USP34: variants seen among roughly 807,000 people sequenced by gnomAD.
USP34 encodes the protein ubiquitin specific peptidase 34, also known as ubiquitin carboxyl-terminal hydrolase 34.
USP34 carries 70 observed loss-of-function variants against 460.3 expected under a neutral mutation model. The observed-to-expected ratio is 0.15, with a 90% confidence interval of 0.13 to 0.19. The LOEUF (loss-of-function observed/expected upper bound fraction) is 0.19. Among genes scored for constraint, USP34 ranks in the 10% least tolerant of loss-of-function variants. The pLI is 1.00. For missense variants in USP34, 3,985 were observed against 4,236.2 expected (o/e 0.94, Z 1.65); for synonymous variants, 1,647 against 1,405.3 (o/e 1.17, Z -3.85).
At chr2:61,255,711 G>A (rs1688706319) in intron 48 of USP34, among the ~76,000 whole-genome samples, 1 of 152,206 alleles carries the variant, frequency 6.6e-6, no homozygotes, top group African/African-American at 2.4e-5. Flanking sequence ...GGTGTTCTGA[G>A]TATCATGATA....
intron 33 of USP34, among the ~76,000 whole-genome samples, chr2:61,292,089 G>A (rs1689872381): frequency 6.6e-6 from 1 of 152,124 alleles, no homozygotes; most frequent in Non-Finnish European, 1.5e-5. Context: ...CTTTTGAAGG[G>A]ATACAACTGT....
intron 8 of USP34, among the ~76,000 whole-genome samples, chr2:61,374,084 A>T (rs1025388286): frequency 6.6e-6 from 1 of 151,068 alleles, no homozygotes; most frequent in African/African-American, 2.4e-5. Context: ...TGAAGCCAGG[A>T]GACAGAGGTT....
intron 1 of USP34, among the ~76,000 whole-genome samples, chr2:61,445,524 G>C (rs182742968): frequency 9.5e-4 from 112 of 118,228 alleles, no homozygotes; most frequent in African/African-American, 3.6e-3. Context: ...AACAGATCGA[G>C]ACTCCGTCTC....
intron 58 of USP34, 53 bp from the exon 59 acceptor site, chr2:61,229,686 T>C: frequency 6.8e-7 from 1 of 1,473,226 alleles, no homozygotes. Flanking sequence ...GTAACAAAGA[T>C]TTGAAAAATT....
intron 1 of USP34, among the ~76,000 whole-genome samples, chr2:61,425,573 G>T (rs546183688): frequency 1.3e-5 from 2 of 152,076 alleles, no homozygotes; most frequent in African/African-American, 2.4e-5. Context: ...GCCCTAAAGC[G>T]GAGGGCAACT....
rs927353776 is a variant in USP34, at chr2:61,297,828, C to T, written c.4129-903G>A. 7.9e-5 allele frequency among the ~76,000 whole-genome samples: 12 copies of T among 152,230 alleles called. No homozygotes were observed. In the East Asian group the frequency reaches 1.2e-3, roughly 15 times the overall value. On this transcript the variant is annotated intron_variant, in intron 29 of 79. Coordinates refer to ENST00000398571, the MANE Select transcript of USP34 (RefSeq NM_014709.4). ...CACGATCTCAGCTCACTGCAACCTC[C>T]GCCTCCCGGGTTCAAGCAATTCTCC... is the stretch of plus-strand genomic sequence containing the variant.
chr2:61,429,205 T>C (rs1244412825), intron 1 of USP34, among the ~76,000 whole-genome samples: 1 of 152,072 alleles, frequency 6.6e-6, no homozygotes, highest in East Asian at 1.9e-4. Context: ...CCCAGCACTT[T>C]GGGAGGCCGA....
chr2:61,195,831 G>A (rs1173509433), intron 75 of USP34, among the ~76,000 whole-genome samples: 1 of 151,998 alleles, frequency 6.6e-6, no homozygotes, highest in East Asian at 1.9e-4. Context: ...ACCCTCTTAT[G>A]GGCAAGCAGA....
In USP34 at chr2:61,395,239, T is replaced by TAA. The variant is rs370729896; in HGVS notation, c.553-8_553-7dup. The TAA allele has an allele frequency of 2.8e-4, 316 of 1,144,342 alleles. No individual in the cohort carries two copies. The highest frequency in any genetic ancestry group is 5.6e-4 in the South Asian group (36 of 64,456). 70.9% of individuals were successfully genotyped at this position (1,144,342 alleles called of 1,614,324 possible). A position where few individuals can be genotyped will look rare whatever the true frequency, so the allele number is the denominator to read the frequency against. On this transcript the variant is annotated splice_polypyrimidine_tract_variant and splice_region_variant and intron_variant, in intron 3 of 79. Transcript: ENST00000398571. ...CTTTCTTGAGTTGATATATCCTAAT[T>TAA]AAAAAAAAAAAAGCAAGTAAAATTA... is the stretch of plus-strand genomic sequence containing the variant.
chr2:61,241,908 T>A (rs1688273155), intron 51 of USP34, 89 bp from the exon 52 acceptor site: 2 of 683,750 alleles, frequency 2.9e-6, no homozygotes, highest in African/African-American at 3.9e-5. Flanking sequence ...AACAGCTATT[T>A]TATACTTAAT....
At chr2:61,413,211 C>A (rs190430312) in intron 2 of USP34, among the ~76,000 whole-genome samples, 3 of 151,894 alleles carry the variant, frequency 2.0e-5, no homozygotes, top group Non-Finnish European at 4.4e-5. Context: ...CTGGCCAACA[C>A]GGTGAAACCC....
intron 43 of USP34, among the ~76,000 whole-genome samples, chr2:61,263,133 C>T (rs376515377): frequency 1.0e-4 from 15 of 150,630 alleles, no homozygotes; most frequent in South Asian, 6.3e-4. Flanking sequence ...CCCAGCGTCC[C>T]GAGTAGCTGG....
rs1454124639 is a variant in USP34, at chr2:61,264,730, T to C, written c.5778+667A>G. 4.6e-5 allele frequency among the ~76,000 whole-genome samples: 7 copies of C among 152,032 alleles called. No individual in the cohort carries two copies. The South Asian group carries it at 6.2e-4, about 14-fold the overall frequency. Reference sequence around the variant, plus strand: ...GCAGTACAAAAGGCAAACTAAAAAATAGCCCATAGTTGGCCGGGCATGGTG... The same window carrying C: ...GCAGTACAAAAGGCAAACTAAAAAACAGCCCATAGTTGGCCGGGCATGGTG... On this transcript the variant is annotated intron_variant, in intron 43 of 79. Transcript: ENST00000398571.
At chr2:61,289,519 A>C (rs1464464702) in intron 33 of USP34, among the ~76,000 whole-genome samples, 4 of 152,150 alleles carry the variant, frequency 2.6e-5, no homozygotes, top group Admixed American at 6.6e-5. Context: ...ACTTATGTAC[A>C]AGATGAGAGT....
intron 70 of USP34, 102 bp downstream of exon 70, chr2:61,208,797 T>A: frequency 1.3e-6 from 1 of 746,496 alleles, no homozygotes. Context: ...CCTTGCCACC[T>A]GTAAAACAGT....
At position 61,259,743 on chromosome 2, in the gene USP34, G is replaced by C; in HGVS notation, c.5812C>G (p.Leu1938Val). Residue 1938 changes from leucine to valine, a missense_variant, in exon 44 of 80, where the codon CTG (leucine) becomes GTG (valine). This residue lies in a region of USP34 where 145 missense variants were observed against 291.6 expected (regional missense o/e 0.50). Coordinates refer to ENST00000398571, the MANE Select transcript of USP34 (RefSeq NM_014709.4). ...TATGTAAACATTTTCTGAAGCTCCA[G>C]AAGAGTGGTCTTGTGCTTCATATCC... ...SEDMKHKTTL[L>V]ELQKMFTYLM... The C allele has an allele frequency of 1.2e-6, 2 of 1,613,402 alleles. No homozygotes were observed. Among genetic ancestry groups the C allele is most frequent in the Non-Finnish European group, 1.7e-6 (2 of 1,179,944 alleles).
chr2:61,333,621 G>A (rs1299519702), intron 19 of USP34, among the ~76,000 whole-genome samples: 5 of 151,956 alleles, frequency 3.3e-5, no homozygotes, highest in African/African-American at 4.8e-5. Flanking sequence ...AGCTGCATAC[G>A]CTAAAAATCT....
intron 53 of USP34, among the ~76,000 whole-genome samples, chr2:61,241,093 G>A (rs1688243273): frequency 6.6e-6 from 1 of 151,940 alleles, no homozygotes; most frequent in African/African-American, 2.4e-5. Flanking sequence ...CACCCAGGCT[G>A]GAGTGCAGTG....
chr2:61,356,250 G>A (rs1692100115), intron 10 of USP34, among the ~76,000 whole-genome samples: 1 of 151,602 alleles, frequency 6.6e-6, no homozygotes, highest in East Asian at 1.9e-4. Context: ...CACTTTGGGA[G>A]GCCAAGGCGG....
Sources: gnomAD v4.1 joint callset for allele counts (sites outside exome capture counted in the v4.1 genomes callset) on GRCh38, gnomAD v4.1.1 for gene constraint, gnomAD v4.1.1 regional missense constraint, MANE v1.5 for transcripts, NCBI Gene and HGNC (gene_info 2026-07-23, HGNC 2026-07-21) for gene names.